NCKAP5L: variants seen among roughly 807,000 people sequenced by gnomAD.
The protein encoded by NCKAP5L is nck-associated protein 5-like.
NCKAP5L carries 54 observed loss-of-function variants against 103.2 expected under a neutral mutation model. The observed-to-expected ratio is 0.52, with a 90% CI of 0.42 to 0.66. NCKAP5L has a LOEUF of 0.66. NCKAP5L is among the 30% of genes least tolerant of loss of function. The probability of loss-of-function intolerance (pLI) is 0.00; values close to 1 mark genes in which losing one functional copy is unlikely to be tolerated. For missense variants in NCKAP5L, 1,733 were observed against 1,750.6 expected (o/e 0.99, Z 0.18); for synonymous variants, 762 against 748.6 (o/e 1.02, Z -0.29).
Position 49,793,445 on chromosome 12 carries a change from A to G in NCKAP5L, c.3259-12T>C, listed in dbSNP as rs748346174. 1 of 1,609,040 alleles carries G rather than the reference A, an allele frequency of 6.2e-7. No individual in the cohort carries two copies. The highest frequency in any genetic ancestry group is 8.5e-7 in the Non-Finnish European group (1 of 1,179,444). ...GGCTCGCTGCTCGGCTGTGTGGGAT[A>G]CAGGAGACCTCATAGTCCACTCCTC... On this transcript the variant is annotated splice_polypyrimidine_tract_variant and intron_variant, in intron 9 of 12. Coordinates refer to ENST00000335999, the MANE Select transcript of NCKAP5L (RefSeq NM_001037806.4).
Position 49,792,146 on chromosome 12 carries a change from T to TG in NCKAP5L, c.3793-96dup, listed in dbSNP as rs1357261677. On this transcript the variant is annotated intron_variant, in intron 12 of 12. Transcript: ENST00000335999. The surrounding 1 kb of genome is among the most constrained non-coding windows in gnomAD (Gnocchi z 4.5). ...CTCTGAGGGGCGTCTGTGCACCTGA[T>TG]GGGGGGCTGCTCCAGAGGGGGCCCA... is the stretch of plus-strand genomic sequence containing the variant. 9 of 1,205,804 alleles carry TG rather than the reference T, an allele frequency of 7.5e-6. No individual in the cohort carries two copies. The highest frequency in any genetic ancestry group is 1.0e-5 in the Non-Finnish European group (9 of 873,918). The allele number at this position is 1,205,804 out of a possible 1,614,324, so 74.7% of individuals were successfully genotyped here. A position where few individuals can be genotyped will look rare whatever the true frequency, so the allele number is the denominator to read the frequency against.
rs1592748243 is a variant in NCKAP5L, at chr12:49,795,973, C to T, written c.1887G>A (p.Glu629=). Residue 629 remains glutamate, a synonymous_variant, in exon 8 of 13, where the codon GAG becomes GAA. Transcript: ENST00000335999. The stretch of plus-strand genomic sequence containing the variant: ...GGGTCCTGCGGCCGGGATGGGGAGA[C>T]TCCGAGCCTGCCTTGTCCAAACTCT... ...QEKSLDKAGS[E]SPHPGRRTPG... 7 of 1,536,160 alleles carry T rather than the reference C, an allele frequency of 4.6e-6. No homozygotes were observed. In the East Asian group the frequency reaches 1.1e-4, roughly 25 times the overall value.
At chr12:49,818,832 C>T (rs1023750198) in intron 1 of NCKAP5L, among the ~76,000 whole-genome samples, 1 of 152,074 alleles carries the variant, frequency 6.6e-6, no homozygotes, top group Admixed American at 6.6e-5. Context: ...GAAAAGGGAA[C>T]CCTTGTACAC....
intron 1 of NCKAP5L, among the ~76,000 whole-genome samples, chr12:49,818,307 G>A (rs891624557): frequency 1.3e-5 from 2 of 152,162 alleles, no homozygotes; most frequent in African/African-American, 4.8e-5. Context: ...AGCTTCTGCA[G>A]AGCAAAGGAA....
intron 1 of NCKAP5L, among the ~76,000 whole-genome samples, chr12:49,809,054 C>T (rs893913596): frequency 1.3e-5 from 2 of 151,674 alleles, no homozygotes; most frequent in African/African-American, 4.8e-5. Context: ...GGGAGGGGGC[C>T]AGTTTTCAGG....
At chr12:49,809,120 G>A (rs749005989) in intron 1 of NCKAP5L, among the ~76,000 whole-genome samples, 12 of 152,056 alleles carry the variant, frequency 7.9e-5, no homozygotes, top group Non-Finnish European at 1.6e-4. Context: ...TAACCTGGGC[G>A]ACCACCATCT....
Position 49,792,885 on chromosome 12 carries a change from T to G in NCKAP5L, c.3442A>C (p.Lys1148Gln), listed in dbSNP as rs944856242. ...GTPSKNLPKT[K>Q]PPRLDPPPGV... ...GGTGGGGGATCCAGCCGCGGTGGCT[T>G]GGTCTTAGGAAGATTCTTGCTGGGG... The change falls in exon 11 of 13, where the codon AAG becomes CAG. Residue 1148 changes from lysine (K) to glutamine (Q), a missense_variant. Physicochemically the swap from Lys to Gln is moderately conservative, Grantham distance 53. Transcript: ENST00000335999. The surrounding 1 kb of genome is among the most constrained non-coding windows in gnomAD (Gnocchi z 4.5). The G allele has an allele frequency of 3.2e-6, 5 of 1,546,220 alleles. No homozygotes were observed. The highest frequency in any genetic ancestry group is 1.9e-5 in the Admixed American group (1 of 53,868).
chr12:49,796,577 G>C lies in NCKAP5L; in HGVS notation c.1283C>G (p.Ser428Cys). Reference protein sequence around the residue: ...GSRPGHPHSSSQVKSKLQIGP... With the variant: ...GSRPGHPHSSCQVKSKLQIGP... ...AATTTGGAGCTTGCTTTTCACCTGA[G>C]ATGAGGAATGGGGGTGGCCAGGCCG... Residue 428 changes from serine to cysteine, a missense_variant, in exon 8 of 13, where the codon TCT becomes TGT. Physicochemically the swap from Ser to Cys is moderately radical, Grantham distance 112 (BLOSUM62 -1). Coordinates refer to ENST00000335999, the MANE Select transcript of NCKAP5L (RefSeq NM_001037806.4). 6.2e-7 allele frequency: 1 copy of C among 1,602,820 alleles called. No individual in the cohort carries two copies. Among genetic ancestry groups the C allele is most frequent in the Non-Finnish European group, 8.5e-7 (1 of 1,175,436 alleles).
chr12:49,801,703 T>G, intron 6 of NCKAP5L, 145 bp downstream of exon 6: 2 of 978,424 alleles, frequency 2.0e-6, no homozygotes, highest in Non-Finnish European at 3.0e-6. Context: ...CCAGGGGACT[T>G]GGGTAGTTTC....
intron 3 of NCKAP5L, 44 bp downstream of exon 3, chr12:49,803,878 G>A (rs750140783): frequency 6.3e-7 from 1 of 1,586,226 alleles, no homozygotes; most frequent in South Asian, 1.1e-5. Flanking sequence ...GCCTCCCCAG[G>A]GCTCTGGCTG....
chr12:49,794,880 G>C lies in NCKAP5L; in HGVS notation c.2980C>G (p.Arg994Gly), dbSNP rs577359931. ...GGGGCTGGGCCACCAGGCCGTGGCC[G>C]GGCCCGGCTGCTTAGGTAGGCCTTC... ...EEKAYLSSRA[R>G]PRPGGPAPGP... The change falls in exon 8 of 13, where the codon CGG becomes GGG. Residue 994 changes from arginine (R) to glycine (G), a missense_variant. By Grantham distance (125) the Arg-to-Gly change is moderately radical (BLOSUM62 -2). Coordinates refer to ENST00000335999, the MANE Select transcript of NCKAP5L (RefSeq NM_001037806.4). The C allele has an allele frequency of 2.7e-6, 4 of 1,502,020 alleles. No homozygotes were observed. The South Asian group carries it at 4.0e-5, about 15-fold the overall frequency. The allele number at this position is 1,502,020 out of a possible 1,614,324, so 93.0% of individuals were successfully genotyped here.
At chr12:49,809,496 G>C (rs1946216804) in intron 1 of NCKAP5L, among the ~76,000 whole-genome samples, 1 of 152,160 alleles carries the variant, frequency 6.6e-6, no homozygotes, top group African/African-American at 2.4e-5. Context: ...AGGGTGGGCA[G>C]CTGTAGGAAG....
intron 1 of NCKAP5L, among the ~76,000 whole-genome samples, chr12:49,812,541 G>A (rs560387642): frequency 5.3e-5 from 8 of 151,932 alleles, no homozygotes; most frequent in Non-Finnish European, 1.2e-4. Context: ...CCGCCACCAC[G>A]CCTGGCTAAT....
chr12:49,803,280 C>G, intron 3 of NCKAP5L, 115 bp from the exon 4 acceptor site: 1 of 935,136 alleles, frequency 1.1e-6, no homozygotes, highest in Admixed American at 2.1e-5. Context: ...ACTATACCCC[C>G]ACTCCAGCTC....
chr12:49,794,670 GGAA>G, intron 8 of NCKAP5L, 92 bp downstream of exon 8: 1 of 1,012,312 alleles, frequency 9.9e-7, no homozygotes, highest in East Asian at 4.8e-5. Flanking sequence ...CCAGCTCCCA[GGAA>G]AAGCAGGCCT....
intron 1 of NCKAP5L, among the ~76,000 whole-genome samples, chr12:49,810,972 A>C (rs1946233571): frequency 6.6e-6 from 1 of 152,222 alleles, no homozygotes; most frequent in African/African-American, 2.4e-5. Context: ...GTAATAATGA[A>C]CATGCTTAGT....
At chr12:49,793,076 C>G in intron 10 of NCKAP5L, 90 bp from the exon 11 acceptor site, 2 of 1,110,712 alleles carry the variant, frequency 1.8e-6, no homozygotes, top group South Asian at 3.2e-5. Context: ...CAGGCTCCAC[C>G]CTTACTCAGG....
intron 1 of NCKAP5L, among the ~76,000 whole-genome samples, chr12:49,816,437 G>A (rs1268852787): frequency 6.7e-6 from 1 of 148,944 alleles, no homozygotes; most frequent in Non-Finnish European, 1.5e-5. Flanking sequence ...CCATACTGAG[G>A]GTGAGGAAGG....
At chr12:49,804,675 C>T (rs140693219) in intron 2 of NCKAP5L, 11 of 152,288 alleles carry the variant, frequency 7.2e-5, no homozygotes, top group Non-Finnish European at 1.3e-4. Flanking sequence ...ACTGGGTGAA[C>T]ATATGAAAAC....
Sources: gnomAD v4.1 joint callset for allele counts (sites outside exome capture counted in the v4.1 genomes callset) on GRCh38, gnomAD v4.1.1 for gene constraint, Gnocchi (gnomAD v3.1) non-coding constraint, MANE v1.5 for transcripts, NCBI Gene and HGNC (gene_info 2026-07-23, HGNC 2026-07-21) for gene names.